Variants in BMPR2 observed in about 807,000 individuals in gnomAD.
BMPR2 encodes the protein bone morphogenetic protein receptor type 2, also known as bone morphogenetic protein receptor type-2.
A neutral mutation model predicts 100.8 loss-of-function variants in BMPR2; 29 were observed. The ratio of observed to expected loss-of-function variants is 0.29; its 90% CI spans 0.21 to 0.39. The LOEUF (loss-of-function observed/expected upper bound fraction) is 0.39, where lower values mean the gene tolerates loss of function less well. Among genes scored for constraint, BMPR2 ranks in the 10% least tolerant of loss-of-function variants. The pLI, the probability that BMPR2 is intolerant of heterozygous loss-of-function variation, is 1.00. For missense variants in BMPR2, 1,011 were observed against 1,274.5 expected, an observed-to-expected ratio of 0.79 and a Z score of 3.15; for synonymous variants, 382 against 442.3, an observed-to-expected ratio of 0.86 and a Z score of 1.71.
intron 1 of BMPR2, among the ~76,000 whole-genome samples, chr2:202,386,594 C>G (rs190424769): frequency 6.6e-6 from 1 of 152,258 alleles, no homozygotes; most frequent in Non-Finnish European, 1.5e-5. Flanking sequence ...CTTACTTGTA[C>G]TTTTTTACTA....
intron 10 of BMPR2, among the ~76,000 whole-genome samples, chr2:202,551,763 G>A (rs549847998): frequency 6.6e-6 from 1 of 152,142 alleles, no homozygotes; most frequent in South Asian, 2.1e-4. Context: ...GCAGTGGCAC[G>A]ATCTTGGCTC....
At chr2:202,546,094 T>G (rs1243831415) in intron 10 of BMPR2, among the ~76,000 whole-genome samples, 2 of 152,170 alleles carry the variant, frequency 1.3e-5, no homozygotes, top group Non-Finnish European at 2.9e-5. Context: ...TTACTTCCAG[T>G]ATAGAGTAGG....
At chr2:202,418,445 A>T (rs1158534369) in intron 1 of BMPR2, among the ~76,000 whole-genome samples, 1 of 152,200 alleles carries the variant, frequency 6.6e-6, no homozygotes, top group Non-Finnish European at 1.5e-5. Context: ...ATTTGAAGAG[A>T]TTTATTCTGA....
At chr2:202,381,618 A>G (rs1690294987) in intron 1 of BMPR2, among the ~76,000 whole-genome samples, 3 of 152,256 alleles carry the variant, frequency 2.0e-5, no homozygotes, top group African/African-American at 7.2e-5. Context: ...ATATAGTACT[A>G]TTGCAGAAGA....
chr2:202,454,317 C>A (rs1026980641), intron 1 of BMPR2, among the ~76,000 whole-genome samples: 1 of 152,172 alleles, frequency 6.6e-6, no homozygotes, highest in Non-Finnish European at 1.5e-5. Context: ...GCGATCCGCC[C>A]ACCTTGGCCT....
At chr2:202,547,207 A>G (rs1415405167) in intron 10 of BMPR2, among the ~76,000 whole-genome samples, 2 of 152,092 alleles carry the variant, frequency 1.3e-5, no homozygotes, top group Non-Finnish European at 2.9e-5. Context: ...TAACTGTACT[A>G]CCATTCTTCA....
At chr2:202,502,732 C>A (rs1007170813) in intron 3 of BMPR2, among the ~76,000 whole-genome samples, 13 of 152,194 alleles carry the variant, frequency 8.5e-5, no homozygotes, top group Non-Finnish European at 1.6e-4. Context: ...TCTGCACCTT[C>A]TTAGGGGAAG....
At chr2:202,556,636 T>C (rs1331328999) in intron 12 of BMPR2, 105 bp downstream of exon 12, 2 of 1,341,400 alleles carry the variant, frequency 1.5e-6, no homozygotes, top group African/African-American at 2.9e-5. Flanking sequence ...ATTATTTACC[T>C]TTACCACTTT....
rs1688775418 is a variant in BMPR2 at position 202,567,093 on chromosome 2, A to G, written c.*7147A>G. 2 of 152,150 alleles carry G rather than the reference A, an allele frequency of 1.3e-5. No homozygotes were observed. The highest frequency in any genetic ancestry group is 4.1e-4 in the South Asian group (2 of 4,830). The allele number at this position is 152,150 out of a possible 1,614,324, so 9.4% of individuals were successfully genotyped here. On this transcript the variant is annotated 3_prime_UTR_variant, in exon 13 of 13. Coordinates refer to ENST00000374580, the MANE Select transcript of BMPR2 (RefSeq NM_001204.7). ...TTCATTTCCATAGAGATTATATTGT[A>G]TCAGTGTTTATGTAAGCTGGAATCA...
At chr2:202,521,579 C>G (rs1687819771) in intron 7 of BMPR2, among the ~76,000 whole-genome samples, 1 of 150,432 alleles carries the variant, frequency 6.6e-6, no homozygotes, top group Non-Finnish European at 1.5e-5. Context: ...AAAAAAAAAG[C>G]AAATGTGAAC....
At position 202,559,732 on chromosome 2, in the gene BMPR2, G is replaced by A. The variant is rs1688648094; in HGVS notation, c.2903G>A (p.Gly968Asp). Residue 968 changes from glycine (G) to aspartate (D), a missense_variant, in exon 13 of 13, where the codon GGT becomes GAT. Gly to Asp is a moderately conservative substitution (Grantham distance 94). Transcript: ENST00000374580. ...ACACAAGATGGCAAATCAGGATCAG[G>A]TGAAAAGATCAAGAAACGTGTGAAA... ...ESTQDGKSGS[G>D]EKIKKRVKTP... is the part of the protein sequence containing the mutation. The A allele has an allele frequency of 2.5e-6, 4 of 1,614,078 alleles. No individual in the cohort carries two copies. In the East Asian group the frequency reaches 8.9e-5, roughly 36 times the overall value.
intron 1 of BMPR2, among the ~76,000 whole-genome samples, chr2:202,407,578 C>G (rs1444031436): frequency 1.3e-5 from 2 of 151,866 alleles, no homozygotes; most frequent in East Asian, 4.0e-4. Flanking sequence ...CGAGACCATC[C>G]TGACATGGTG....
intron 1 of BMPR2, among the ~76,000 whole-genome samples, chr2:202,386,846 A>T (rs1297338582): frequency 6.6e-6 from 1 of 151,974 alleles, no homozygotes; most frequent in East Asian, 1.9e-4. Context: ...ACGCCCGGCT[A>T]AATTTTTTTT....
chr2:202,386,672 C>T (rs183011710), intron 1 of BMPR2, among the ~76,000 whole-genome samples: 229 of 151,792 alleles, frequency 1.5e-3, no homozygotes, highest in African/African-American at 5.3e-3. Context: ...GCCTGAGTGA[C>T]CCTTTTCTTT....
intron 1 of BMPR2, among the ~76,000 whole-genome samples, chr2:202,402,706 AC>A (rs1357990048): frequency 6.8e-6 from 1 of 148,114 alleles, no homozygotes; most frequent in African/African-American, 2.5e-5. Flanking sequence ...TTGCTCTGTC[AC>A]TCATGCTGGA....
At chr2:202,526,304 C>G (rs1687911277) in intron 7 of BMPR2, among the ~76,000 whole-genome samples, 1 of 152,170 alleles carries the variant, frequency 6.6e-6, no homozygotes, top group Non-Finnish European at 1.5e-5. Context: ...ATTTCCTTGT[C>G]ATATTATAGC....
At chr2:202,544,321 A>G (rs1688334687) in intron 10 of BMPR2, among the ~76,000 whole-genome samples, 1 of 152,152 alleles carries the variant, frequency 6.6e-6, no homozygotes, top group Non-Finnish European at 1.5e-5. Context: ...AATGTGTATT[A>G]GTATGTGTAT....
In BMPR2 at chr2:202,542,292, C is replaced by T; in HGVS notation, c.1277-19C>T. The T allele has an allele frequency of 6.2e-7, 1 of 1,613,276 alleles. No individual in the cohort carries two copies. The highest frequency in any genetic ancestry group is 8.5e-7 in the Non-Finnish European group (1 of 1,179,462). The stretch of plus-strand genomic sequence containing the variant: ...TAGTTAGAAATTTTATTCTGTCATT[C>T]TTTTCTACAAATCCACAGGGGAATC... On this transcript the variant is annotated intron_variant, in intron 9 of 12. Transcript: ENST00000374580.
chr2:202,451,774 A>C (rs1014551817), intron 1 of BMPR2, among the ~76,000 whole-genome samples: 1 of 151,928 alleles, frequency 6.6e-6, no homozygotes, highest in South Asian at 2.1e-4. Flanking sequence ...TTTGAGACAG[A>C]GTTTCACCCT....
Sources: gnomAD v4.1 joint callset for allele counts (sites outside exome capture counted in the v4.1 genomes callset) on GRCh38, gnomAD v4.1.1 for gene constraint, MANE v1.5 for transcripts, NCBI Gene and HGNC (gene_info 2026-07-23, HGNC 2026-07-21) for gene names.